The following ADAMTSL1 variants were observed in gnomAD, a reference collection of about 807,000 sequenced individuals.
ADAMTSL1 encodes ADAMTS like 1.
A neutral mutation model predicts 201.8 loss-of-function variants in ADAMTSL1; 126 were observed. The observed-to-expected ratio is 0.62, with a 90% CI of 0.54 to 0.72. ADAMTSL1 has a LOEUF of 0.72. Among genes scored for constraint, ADAMTSL1 ranks in the 30% least tolerant of loss-of-function variants. The pLI is 0.00. For synonymous variants in ADAMTSL1, 1,121 were observed against 903.4 expected (o/e 1.24, Z -4.32); for missense variants, 2,679 against 2,277.8 (o/e 1.18, Z -3.59).
intron 2 of ADAMTSL1, among the ~76,000 whole-genome samples, chr9:18,440,272 G>C (rs1398665274): frequency 6.6e-6 from 1 of 152,110 alleles, no homozygotes; most frequent in Non-Finnish European, 1.5e-5. Context: ...GATCGAGGTA[G>C]ACCCCTCAGT....
intron 1 of ADAMTSL1, among the ~76,000 whole-genome samples, chr9:18,024,965 G>A (rs2131591351): frequency 6.6e-6 from 1 of 152,142 alleles, no homozygotes; most frequent in Admixed American, 6.6e-5. Context: ...CATTCTGACT[G>A]CTGTTAAGAT....
intron 1 of ADAMTSL1, among the ~76,000 whole-genome samples, chr9:18,124,695 G>A (rs1201959698): frequency 6.6e-6 from 1 of 152,100 alleles, no homozygotes; most frequent in African/African-American, 2.4e-5. Context: ...TGGAATTTCT[G>A]AGTGTTCAAG....
chr9:18,279,407 A>G (rs988394212), intron 2 of ADAMTSL1, among the ~76,000 whole-genome samples: 3 of 151,460 alleles, frequency 2.0e-5, no homozygotes, highest in Admixed American at 1.3e-4. Context: ...GTGGATGTCT[A>G]TTTCTTAAGG....
intron 2 of ADAMTSL1, among the ~76,000 whole-genome samples, chr9:18,297,980 C>A (rs180888514): frequency 6.6e-6 from 1 of 152,262 alleles, no homozygotes; most frequent in Admixed American, 6.5e-5. Flanking sequence ...TCACCTGTTT[C>A]TTTAACATGA....
At chr9:18,456,225 G>T (rs1820596253) in intron 2 of ADAMTSL1, among the ~76,000 whole-genome samples, 1 of 152,092 alleles carries the variant, frequency 6.6e-6, no homozygotes, top group African/African-American at 2.4e-5. Context: ...GTTTATTGAG[G>T]CTATAATTAT....
intron 14 of ADAMTSL1, among the ~76,000 whole-genome samples, chr9:18,717,538 C>T (rs1833028994): frequency 6.6e-6 from 1 of 152,114 alleles, no homozygotes; most frequent in Non-Finnish European, 1.5e-5. Context: ...GAAGCAAAGT[C>T]ATCTAGAGTA....
intron 4 of ADAMTSL1, among the ~76,000 whole-genome samples, chr9:18,579,150 G>A (rs1587623391): frequency 6.6e-6 from 1 of 150,638 alleles, no homozygotes; most frequent in South Asian, 2.1e-4. Flanking sequence ...ATACACCATG[G>A]AATACTATGC....
chr9:18,073,787 G>T (rs10963431), intron 1 of ADAMTSL1, among the ~76,000 whole-genome samples: 1 of 151,976 alleles, frequency 6.6e-6, no homozygotes, highest in Non-Finnish European at 1.5e-5. Flanking sequence ...CTGACCTTGA[G>T]GGTGTCACCC....
intron 23 of ADAMTSL1, among the ~76,000 whole-genome samples, chr9:18,844,904 T>C (rs1230306643): frequency 1.3e-5 from 2 of 152,162 alleles, no homozygotes; most frequent in East Asian, 1.9e-4. Context: ...GCGCAGTATT[T>C]GGGTGGGAGT....
In ADAMTSL1 at chr9:18,180,449, C is replaced by T. The variant is rs1052963038; in HGVS notation, c.207+16468C>T. ...TTGGGAGGCTGAGGCAGGAGAATGG[C>T]GTGAACCCGGGAGGCGGAGCTTGCA... On this transcript the variant is annotated intron_variant, in intron 2 of 29. Coordinates refer to the ADAMTSL1 transcript ENST00000680146. Among the ~76,000 whole-genome samples, 338 of 146,242 alleles carry T rather than the reference C, an allele frequency of 2.3e-3. 2 individuals are homozygous for T. The highest frequency in any genetic ancestry group is 7.1e-3 in the African/African-American group (283 of 39,582).
At chr9:18,844,665 C>A (rs1825970503) in intron 23 of ADAMTSL1, among the ~76,000 whole-genome samples, 1 of 152,134 alleles carries the variant, frequency 6.6e-6, no homozygotes, top group Non-Finnish European at 1.5e-5. Context: ...GGCAGGCAGG[C>A]CTCCTTGAGC....
intron 1 of ADAMTSL1, among the ~76,000 whole-genome samples, chr9:18,126,116 C>G (rs1825718411): frequency 6.6e-6 from 1 of 152,182 alleles, no homozygotes; most frequent in African/African-American, 2.4e-5. Context: ...ATGAAGATTA[C>G]TGTAACTATT....
intron 2 of ADAMTSL1, among the ~76,000 whole-genome samples, chr9:18,219,956 A>C (rs1300368287): frequency 6.6e-6 from 1 of 151,980 alleles, no homozygotes; most frequent in Non-Finnish European, 1.5e-5. Context: ...AAATAAGGAC[A>C]GTTTTGTATC....
intron 1 of ADAMTSL1, among the ~76,000 whole-genome samples, chr9:18,128,803 G>T (rs982637627): frequency 6.6e-6 from 1 of 151,956 alleles, no homozygotes; most frequent in Admixed American, 6.6e-5. Flanking sequence ...TAGGTATTTA[G>T]GCTAAAGCAC....
At chr9:18,671,769 G>A (rs78315105) in intron 9 of ADAMTSL1, among the ~76,000 whole-genome samples, 8 of 152,224 alleles carry the variant, frequency 5.3e-5, no homozygotes, top group African/African-American at 1.4e-4. Flanking sequence ...GAACAGAACC[G>A]GCCGGGTGTG....
intron 1 of ADAMTSL1, among the ~76,000 whole-genome samples, chr9:18,034,115 A>G (rs1305790188): frequency 2.6e-5 from 4 of 152,150 alleles, no homozygotes; most frequent in African/African-American, 9.7e-5. Flanking sequence ...TTCTACAAGC[A>G]TACTTTTCTC....
intron 1 of ADAMTSL1, among the ~76,000 whole-genome samples, chr9:17,983,296 G>C (rs1818796932): frequency 6.6e-6 from 1 of 151,632 alleles, no homozygotes; most frequent in Non-Finnish European, 1.5e-5. Flanking sequence ...GTCTCGATCT[G>C]TTGACTTTGT....
intron 19 of ADAMTSL1, among the ~76,000 whole-genome samples, chr9:18,779,076 T>G (rs1821230092): frequency 6.6e-6 from 1 of 152,248 alleles, no homozygotes; most frequent in African/African-American, 2.4e-5. Context: ...TATAAGTAAC[T>G]GCATTTTTTA....
intron 1 of ADAMTSL1, among the ~76,000 whole-genome samples, chr9:17,972,015 A>T (rs185964770): frequency 1.3e-5 from 2 of 151,998 alleles, no homozygotes; most frequent in Admixed American, 6.6e-5. Flanking sequence ...AAGGCGTACA[A>T]TGTGATGTTT....
Sources: gnomAD v4.1 joint callset for allele counts (sites outside exome capture counted in the v4.1 genomes callset) on GRCh38, gnomAD v4.1.1 for gene constraint, MANE v1.5 for transcripts, NCBI Gene and HGNC (gene_info 2026-07-23, HGNC 2026-07-21) for gene names.